GRIA2: variants seen among roughly 807,000 people sequenced by gnomAD.
The protein encoded by GRIA2 is glutamate receptor 2.
In GRIA2, 14 loss-of-function variants were observed where a neutral mutation model predicts 97.3. The ratio of observed to expected loss-of-function variants is 0.14; its 90% CI spans 0.10 to 0.23. GRIA2 has a LOEUF of 0.23. GRIA2 is among the 10% of genes least tolerant of loss of function. GRIA2 has a pLI of 1.00. For missense variants in GRIA2, 558 were observed against 1,069.8 expected (o/e 0.52, Z 6.67); for synonymous variants, 412 against 387.8 (o/e 1.06, Z -0.73).
At chr4:157,244,677 T>C (rs939393519) in intron 2 of GRIA2, among the ~76,000 whole-genome samples, 4 of 152,044 alleles carry the variant, frequency 2.6e-5, no homozygotes, top group African/African-American at 7.2e-5. Context: ...GAGTTATTAC[T>C]CAGAACCTTT....
In GRIA2 at chr4:157,365,894, A is replaced by G. The variant is rs1736864495; in HGVS notation, c.*2463A>G. 6.6e-6 allele frequency: 1 copy of G among 151,756 alleles called. No individual in the cohort carries two copies. Among genetic ancestry groups the G allele is most frequent in the African/African-American group, 2.4e-5 (1 of 41,370 alleles). 9.4% of individuals were successfully genotyped at this position (151,756 alleles called of 1,614,324 possible). ...TTTTCTGCTGTGTTAAGTGGGTGTC[A>G]AACTCCAAGAAGACATACACTTTCT... On this transcript the variant is annotated 3_prime_UTR_variant, in exon 16 of 16. Coordinates refer to ENST00000264426, the MANE Select transcript of GRIA2 (RefSeq NM_001083619.3).
At chr4:157,243,053 A>G (rs1055624629) in intron 2 of GRIA2, among the ~76,000 whole-genome samples, 3 of 152,102 alleles carry the variant, frequency 2.0e-5, no homozygotes. Flanking sequence ...CCAAAAGGAC[A>G]CTTGTTTACA....
At chr4:157,267,621 G>A (rs1181575777) in intron 2 of GRIA2, among the ~76,000 whole-genome samples, 1 of 151,830 alleles carries the variant, frequency 6.6e-6, no homozygotes, top group Non-Finnish European at 1.5e-5. Flanking sequence ...GTATGTGAGT[G>A]GTTAGTTTAT....
intron 2 of GRIA2, among the ~76,000 whole-genome samples, chr4:157,251,458 T>C (rs1388560988): frequency 6.6e-6 from 1 of 152,140 alleles, no homozygotes; most frequent in Non-Finnish European, 1.5e-5. Context: ...AACTCATCTG[T>C]TCACTTAGAG....
At chr4:157,254,005 C>T (rs7689577) in intron 2 of GRIA2, among the ~76,000 whole-genome samples, 4,446 of 151,484 alleles carry the variant, frequency 0.029, 72 homozygotes, top group Middle Eastern at 0.086. Context: ...TAAAAGTACA[C>T]GCACACACAC....
chr4:157,326,068 C>T (rs1470631147), intron 6 of GRIA2, among the ~76,000 whole-genome samples: 1 of 152,158 alleles, frequency 6.6e-6, no homozygotes, highest in Non-Finnish European at 1.5e-5. Context: ...TACACTGGCT[C>T]ACTCTGTTTC....
At chr4:157,294,784 G>A (rs907606515) in intron 2 of GRIA2, among the ~76,000 whole-genome samples, 2 of 152,074 alleles carry the variant, frequency 1.3e-5, no homozygotes, top group Non-Finnish European at 2.9e-5. Flanking sequence ...TCACAGCAAG[G>A]ATTAGACGCC....
intron 2 of GRIA2, among the ~76,000 whole-genome samples, chr4:157,298,456 AG>A (rs900084255): frequency 4.6e-5 from 7 of 152,076 alleles, no homozygotes; most frequent in Non-Finnish European, 8.8e-5. Context: ...ATCATGCATG[AG>A]CAGGAAGGGA....
chr4:157,240,343 G>A (rs889083257), intron 2 of GRIA2, among the ~76,000 whole-genome samples: 18 of 151,972 alleles, frequency 1.2e-4, no homozygotes, highest in African/African-American at 3.6e-4. Context: ...TATCAATTAT[G>A]TTCTAATTTG....
At chr4:157,308,197 A>G (rs946555939) in intron 3 of GRIA2, among the ~76,000 whole-genome samples, 5 of 152,192 alleles carry the variant, frequency 3.3e-5, no homozygotes, top group Admixed American at 2.0e-4. Flanking sequence ...TCTATAACTC[A>G]GAGTGTTATT....
chr4:157,349,179 G>A (rs1289995518), intron 12 of GRIA2, among the ~76,000 whole-genome samples: 1 of 152,102 alleles, frequency 6.6e-6, no homozygotes, highest in Non-Finnish European at 1.5e-5. Flanking sequence ...ATATTTGAGG[G>A]TAAGAAATGT....
At chr4:157,290,868 T>C (rs759189751) in intron 2 of GRIA2, among the ~76,000 whole-genome samples, 15 of 151,798 alleles carry the variant, frequency 9.9e-5, no homozygotes, top group African/African-American at 3.4e-4. Context: ...CAATTCAGTA[T>C]TGATTTTTGC....
intron 2 of GRIA2, among the ~76,000 whole-genome samples, chr4:157,293,498 A>G (rs1003977622): frequency 2.6e-5 from 4 of 152,114 alleles, no homozygotes; most frequent in African/African-American, 9.7e-5. Context: ...CGCACAAACA[A>G]ATTCGACTCT....
chr4:157,254,388 A>G (rs1431198929), intron 2 of GRIA2, among the ~76,000 whole-genome samples: 3 of 152,100 alleles, frequency 2.0e-5, no homozygotes, highest in Admixed American at 2.0e-4. Flanking sequence ...CTCAAAACCA[A>G]TTTATGTCAT....
At chr4:157,353,075 A>G (rs1203414427) in intron 12 of GRIA2, among the ~76,000 whole-genome samples, 2 of 151,986 alleles carry the variant, frequency 1.3e-5, no homozygotes, top group African/African-American at 4.8e-5. Context: ...AAAACAGGCC[A>G]GGCGTGCTAG....
At chr4:157,281,387 G>A (rs1201537065) in intron 2 of GRIA2, among the ~76,000 whole-genome samples, 1 of 152,052 alleles carries the variant, frequency 6.6e-6, no homozygotes, top group African/African-American at 2.4e-5. Context: ...TTTTCAGTGA[G>A]TAGCTTTCTC....
chr4:157,220,846 G>T lies in GRIA2; in HGVS notation c.-197G>T, dbSNP rs936043696. On this transcript the variant is annotated 5_prime_UTR_variant, in exon 1 of 16. Transcript: ENST00000264426. ...CGGACTTCTGGAGCGGGGACAGGGC[G>T]CAGGGCATCAGCAGCCACCAGCAGG... is the stretch of plus-strand genomic sequence containing the variant. 3 of 587,576 alleles carry T rather than the reference G, an allele frequency of 5.1e-6. No homozygotes were observed. The highest frequency in any genetic ancestry group is 3.0e-5 in the Admixed American group (1 of 33,476). The allele number at this position is 587,576 out of a possible 1,614,324, so 36.4% of individuals were successfully genotyped here. A position where few individuals can be genotyped will look rare whatever the true frequency, so the allele number is the denominator to read the frequency against.
At chr4:157,259,759 A>G (rs1344553663) in intron 2 of GRIA2, among the ~76,000 whole-genome samples, 3 of 152,118 alleles carry the variant, frequency 2.0e-5, no homozygotes, top group African/African-American at 4.8e-5. Flanking sequence ...CCACACTTGC[A>G]TTTCCAATTG....
chr4:157,228,521 A>G (rs1729849070), intron 2 of GRIA2, among the ~76,000 whole-genome samples: 2 of 152,258 alleles, frequency 1.3e-5, no homozygotes, highest in African/African-American at 2.4e-5. Flanking sequence ...AGCCAGGCTC[A>G]GTGGCTCATG....
Sources: gnomAD v4.1 joint callset for allele counts (sites outside exome capture counted in the v4.1 genomes callset) on GRCh38, gnomAD v4.1.1 for gene constraint, MANE v1.5 for transcripts, NCBI Gene and HGNC (gene_info 2026-07-23, HGNC 2026-07-21) for gene names.